TNFAIP8: variants seen among roughly 807,000 people sequenced by gnomAD.
TNFAIP8 encodes the protein tumor necrosis factor alpha-induced protein 8.
A neutral mutation model predicts 13.3 loss-of-function variants in TNFAIP8; 7 were observed. The ratio of observed to expected loss-of-function variants is 0.52; its 90% confidence interval spans 0.30 to 0.99. The LOEUF is 0.99. TNFAIP8 is among the 50% of genes least tolerant of loss of function. The pLI, the probability that TNFAIP8 is intolerant of heterozygous loss-of-function variation, is 0.07. For missense variants in TNFAIP8, 258 were observed against 236.9 expected (o/e 1.09, Z -0.58); for synonymous variants, 94 against 87.6 (o/e 1.07, Z -0.41).
At chr5:119,350,998 CTGTG>C (rs70982476) in intron 1 of TNFAIP8, among the ~76,000 whole-genome samples, 1,625 of 137,922 alleles carry the variant, frequency 0.012, 19 homozygotes, top group East Asian at 0.029. Flanking sequence ...GGGTCTCACT[CTGTG>C]TGTGTGTGTG....
chr5:119,392,813 T>TTTTTTTTTTTTTTTTTTTTTA lies in TNFAIP8; in HGVS notation c.32-3_32-2insTTTTTTTTTTTTTTTTTTTTA. ...TTCTTTTCCTCTCTTTTTTTTTTTTTAGTGGCCACAGATGTCTTTAATTCC... is the reference window on the plus strand; with the variant it reads ...TTCTTTTCCTCTCTTTTTTTTTTTTTTTTTTTTTTTTTTTTTTTTTAAGTGGCCACAGATGTCTTTAATTCC... On this transcript the variant is annotated splice_polypyrimidine_tract_variant and splice_region_variant and intron_variant, in intron 1 of 1. Transcript: ENST00000504771. The TTTTTTTTTTTTTTTTTTTTTA allele has an allele frequency of 6.7e-7, 1 of 1,501,762 alleles. No individual in the cohort carries two copies. 93.0% of individuals were successfully genotyped at this position (1,501,762 alleles called of 1,614,324 possible).
chr5:119,384,813 T>G (rs1461548088), intron 1 of TNFAIP8, among the ~76,000 whole-genome samples: 1 of 152,222 alleles, frequency 6.6e-6, no homozygotes, highest in African/African-American at 2.4e-5. Flanking sequence ...TGTCAGAGTT[T>G]ATGCCATAAA....
At chr5:119,338,669 A>G (rs1750638500) in intron 1 of TNFAIP8, among the ~76,000 whole-genome samples, 1 of 152,206 alleles carries the variant, frequency 6.6e-6, no homozygotes, top group Non-Finnish European at 1.5e-5. Flanking sequence ...AGAAATTTTC[A>G]TGCACTATTC....
intron 1 of TNFAIP8, among the ~76,000 whole-genome samples, chr5:119,323,750 C>G (rs970704551): frequency 6.6e-6 from 1 of 152,132 alleles, no homozygotes; most frequent in African/African-American, 2.4e-5. Context: ...GACACAGGAA[C>G]CAAATCATCT....
chr5:119,310,300 G>GGAGGGACCCATCTCTGTGGGTGCCT (rs1256538519), intron 1 of TNFAIP8, among the ~76,000 whole-genome samples: 126 of 152,262 alleles, frequency 8.3e-4, no homozygotes, highest in Non-Finnish European at 1.5e-3. Context: ...AGGTCGTCCT[G>GGAGGGACCCATCTCTGTGGGTGCCT]GGAGAGCCCT....
At chr5:119,311,644 G>A (rs1365313960) in intron 1 of TNFAIP8, among the ~76,000 whole-genome samples, 7 of 125,850 alleles carry the variant, frequency 5.6e-5, no homozygotes, top group Middle Eastern at 6.5e-3. Flanking sequence ...AGCCAAAATT[G>A]CGCCACTGCA....
chr5:119,271,408 A>T (rs1290739046), intron 1 of TNFAIP8, among the ~76,000 whole-genome samples: 1 of 152,188 alleles, frequency 6.6e-6, no homozygotes, highest in Non-Finnish European at 1.5e-5. Context: ...AGATAGCCCA[A>T]TGTGGTAGTA....
upstream of TNFAIP8, among the ~76,000 whole-genome samples, chr5:119,353,100 C>G (rs577244701): frequency 1.6e-4 from 25 of 152,236 alleles, no homozygotes; most frequent in Admixed American, 1.4e-3. Flanking sequence ...AACTTAGTTG[C>G]AATTTTGTAT....
chr5:119,340,313 A>G (rs888000831), intron 1 of TNFAIP8, among the ~76,000 whole-genome samples: 2 of 152,166 alleles, frequency 1.3e-5, no homozygotes, highest in Non-Finnish European at 2.9e-5. Flanking sequence ...AGACCCTAAC[A>G]AGGAACTTGA....
intron 1 of TNFAIP8, among the ~76,000 whole-genome samples, chr5:119,334,549 G>A (rs887517138): frequency 2.0e-5 from 3 of 151,476 alleles, no homozygotes; most frequent in Non-Finnish European, 4.4e-5. Context: ...TGTATGGAAT[G>A]TGGTCACCTG....
intron 1 of TNFAIP8, among the ~76,000 whole-genome samples, chr5:119,317,974 G>C (rs1361614546): frequency 1.3e-5 from 2 of 152,146 alleles, no homozygotes; most frequent in East Asian, 1.9e-4. Context: ...ACACATAAAA[G>C]ATCTTCGTCA....
chr5:119,355,804 C>A, upstream of TNFAIP8: 1 of 680,560 alleles, frequency 1.5e-6, no homozygotes, highest in Non-Finnish European at 1.9e-6. Flanking sequence ...TGCGCCCGGG[C>A]CGAGCCAGCC....
chr5:119,378,820 T>G (rs980526975), intron 1 of TNFAIP8, among the ~76,000 whole-genome samples: 1 of 152,318 alleles, frequency 6.6e-6, no homozygotes, highest in African/African-American at 2.4e-5. Context: ...ACGCCTGTAA[T>G]CCCAGTGCTT....
At chr5:119,305,056 G>A (rs986239976) in intron 1 of TNFAIP8, among the ~76,000 whole-genome samples, 2 of 152,156 alleles carry the variant, frequency 1.3e-5, no homozygotes, top group African/African-American at 2.4e-5. Flanking sequence ...TAAACTCCAA[G>A]CTGGAATAAC....
At chr5:119,358,349 G>A (rs1751515000) in intron 1 of TNFAIP8, among the ~76,000 whole-genome samples, 1 of 152,162 alleles carries the variant, frequency 6.6e-6, no homozygotes, top group Non-Finnish European at 1.5e-5. Flanking sequence ...GCAAATGACT[G>A]GGGATATTGT....
At chr5:119,308,125 C>T (rs1240986417) in intron 1 of TNFAIP8, among the ~76,000 whole-genome samples, 1 of 152,130 alleles carries the variant, frequency 6.6e-6, no homozygotes, top group African/African-American at 2.4e-5. Context: ...ACCTCTTGCC[C>T]AACTGATAAT....
rs144394643 is a variant in TNFAIP8, at chr5:119,350,839, C to G, written c.2-41977C>G. On this transcript the variant is annotated intron_variant, in intron 1 of 1. Transcript: ENST00000274456. Reference sequence around the variant, plus strand: ...GCTTTCTCCTTCCCTCATCTCCACACTCATCCTCAGCATCTTCCTCTCACA... The same window carrying G: ...GCTTTCTCCTTCCCTCATCTCCACAGTCATCCTCAGCATCTTCCTCTCACA... 4.4e-3 allele frequency among the ~76,000 whole-genome samples: 667 copies of G among 152,346 alleles called. 8 individuals are homozygous for G. Among genetic ancestry groups the G allele is most frequent in the South Asian group, 0.042 (202 of 4,828 alleles).
chr5:119,351,200 A>T (rs906049401), upstream of TNFAIP8, among the ~76,000 whole-genome samples: 2 of 151,950 alleles, frequency 1.3e-5, no homozygotes, highest in Non-Finnish European at 2.9e-5. Flanking sequence ...CCTTTTAAAA[A>T]TTTTTTTGTA....
chr5:119,322,934 G>A (rs1277330436), intron 1 of TNFAIP8, among the ~76,000 whole-genome samples: 1 of 152,186 alleles, frequency 6.6e-6, no homozygotes, highest in African/African-American at 2.4e-5. Flanking sequence ...GAAGAAAGCT[G>A]AACTTGCCTT....
Sources: gnomAD v4.1 joint callset for allele counts (sites outside exome capture counted in the v4.1 genomes callset) on GRCh38, gnomAD v4.1.1 for gene constraint, MANE v1.5 for transcripts, NCBI Gene and HGNC (gene_info 2026-07-23, HGNC 2026-07-21) for gene names.